The following CCL8 variants were observed in gnomAD, a reference collection of about 807,000 sequenced individuals.
CCL8 encodes C-C motif chemokine ligand 8, also known as C-C motif chemokine 8.
Under a neutral mutation model 6.6 loss-of-function variants are expected in CCL8, and 3 were observed. The observed-to-expected ratio is 0.45, with a 90% CI of 0.21 to 1.17. The LOEUF (loss-of-function observed/expected upper bound fraction) is 1.17. Among genes scored for constraint, CCL8 ranks in the 50% most tolerant of loss-of-function variants. CCL8 has a pLI of 0.24. For synonymous variants in CCL8, 49 were observed against 41.8 expected (o/e 1.17, Z -0.67); for missense variants, 127 against 118.1 (o/e 1.08, Z -0.35).
intron 2 of CCL8, 81 bp downstream of exon 2, chr17:34,320,467 T>C: frequency 1.1e-6 from 1 of 900,190 alleles, no homozygotes; most frequent in South Asian, 1.4e-5. Context: ...TCCATATGAG[T>C]CGGATGCATA....
chr17:34,320,709 C>A (rs1008467740), intron 2 of CCL8, 93 bp from the exon 3 acceptor site: 6 of 792,446 alleles, frequency 7.6e-6, no homozygotes, highest in Non-Finnish European at 1.2e-5. Context: ...CACCTAAGGA[C>A]CAAGGGCTGA....
rs750716076 is a variant in CCL8 at position 34,319,617 on chromosome 17, A to G, written c.76+40A>G. 7 of 1,456,310 alleles carry G rather than the reference A, an allele frequency of 4.8e-6. No homozygotes were observed. In the Admixed American group the frequency reaches 1.2e-4, roughly 25 times the overall value. The allele number at this position is 1,456,310 out of a possible 1,614,324, so 90.2% of individuals were successfully genotyped here. ...TTTTTAAGGGGAGACCAAAAGAGGA[A>G]TTAAGAAGAGCCATTATGTCACAGC... On this transcript the variant is annotated intron_variant, in intron 1 of 2. Coordinates refer to ENST00000394620, the MANE Select transcript of CCL8 (RefSeq NM_005623.3).
rs1909478942 is a variant in CCL8, at chr17:34,320,265, TC to T, written c.77-3del. On this transcript the variant is annotated splice_polypyrimidine_tract_variant and splice_region_variant and intron_variant, in intron 1 of 2. Transcript: ENST00000394620. ...TGTCTCATTCTTTGCAAAATTTCTTTCAGATTCAGTTTCCATTCCAATCACC... is the reference window on the plus strand; with the variant it reads ...TGTCTCATTCTTTGCAAAATTTCTTTAGATTCAGTTTCCATTCCAATCACC... 1 of 1,601,660 alleles carries T rather than the reference TC, an allele frequency of 6.2e-7. No homozygotes were observed. Among genetic ancestry groups the T allele is most frequent in the East Asian group, 2.2e-5 (1 of 44,816 alleles).
intron 2 of CCL8, 123 bp downstream of exon 2, chr17:34,320,509 T>G: frequency 2.9e-6 from 2 of 691,146 alleles, no homozygotes; most frequent in Non-Finnish European, 5.1e-6. Context: ...CTCTACCCCA[T>G]AGAGAAACTC....
rs138262202 is a variant in CCL8 at position 34,321,201 on chromosome 17, T to G, written c.*294T>G. On this transcript the variant is annotated 3_prime_UTR_variant, in exon 3 of 3. Transcript: ENST00000394620. ...AGTTCACGGCAAAATGTCATTGTTC[T>G]CCCTCCTACCTGTCTGTAGTGTTGT... The G allele has an allele frequency of 1.2e-3, 369 of 311,774 alleles. No homozygotes were observed. Among genetic ancestry groups the G allele is most frequent in the African/African-American group, 7.9e-3 (350 of 44,448 alleles). 19.3% of individuals were successfully genotyped at this position (311,774 alleles called of 1,614,324 possible). A position where few individuals can be genotyped will look rare whatever the true frequency, so the allele number is the denominator to read the frequency against.
chr17:34,320,421 G>T, intron 2 of CCL8, 35 bp downstream of exon 2: 2 of 1,318,476 alleles, frequency 1.5e-6, no homozygotes, highest in Non-Finnish European at 2.2e-6. Context: ...CCATTCAAAA[G>T]TTCTGATGGA....
At chr17:34,320,512 A>T in intron 2 of CCL8, 126 bp downstream of exon 2, 1 of 684,484 alleles carries the variant, frequency 1.5e-6, no homozygotes, top group Non-Finnish European at 2.6e-6. Flanking sequence ...TACCCCATAG[A>T]GAAACTCAGT....
intron 2 of CCL8, 147 bp downstream of exon 2, chr17:34,320,533 G>A (rs1171237257): frequency 4.6e-6 from 3 of 650,556 alleles, no homozygotes; most frequent in Non-Finnish European, 5.5e-6. Context: ...CCATGAGAAG[G>A]AGTCCATAAC....
intron 1 of CCL8, 67 bp from the exon 2 acceptor site, chr17:34,320,202 C>A (rs1052271625): frequency 3.1e-6 from 3 of 973,776 alleles, no homozygotes; most frequent in South Asian, 1.3e-5. Flanking sequence ...TCCTTCTCTT[C>A]TTTTCCTTAC....
At chr17:34,320,734 C>A in intron 2 of CCL8, 68 bp from the exon 3 acceptor site, 1 of 999,422 alleles carries the variant, frequency 1.0e-6, no homozygotes, top group Non-Finnish European at 1.5e-6. Flanking sequence ...TTCTAGGGAC[C>A]AATGGCCCAC....
At chr17:34,320,569 T>G (rs1029318602) in intron 2 of CCL8, among the ~76,000 whole-genome samples, 183 bp downstream of exon 2, 1 of 152,218 alleles carries the variant, frequency 6.6e-6, no homozygotes, top group Non-Finnish European at 1.5e-5. Flanking sequence ...TTCTAGGGGC[T>G]TGGTGAAACT....
intron 2 of CCL8, 103 bp downstream of exon 2, chr17:34,320,489 C>T (rs2141929245): frequency 2.6e-6 from 2 of 770,748 alleles, no homozygotes; most frequent in East Asian, 5.0e-5. Flanking sequence ...AACTTCTATC[C>T]AAAGGGCCCC....
rs776943192 is a variant in CCL8 at position 34,319,495 on chromosome 17, C to A, written c.-7C>A. The A allele has an allele frequency of 6.2e-7, 1 of 1,613,506 alleles. No individual in the cohort carries two copies. Among genetic ancestry groups the A allele is most frequent in the African/African-American group, 1.3e-5 (1 of 74,908 alleles). ...TCATGCTGAAGCTCACACCCTTGCC[C>A]TCCAAGATGAAGGTTTCTGCAGCGC... On this transcript the variant is annotated 5_prime_UTR_variant, in exon 1 of 3. Transcript: ENST00000394620.
Position 34,321,083 on chromosome 17 carries a change from GTTTT to G in CCL8, c.*177_*180del. The G allele has an allele frequency of 1.9e-6, 1 of 517,528 alleles. No homozygotes were observed. The highest frequency in any genetic ancestry group is 3.5e-5 in the East Asian group (1 of 28,412). 32.1% of individuals were successfully genotyped at this position (517,528 alleles called of 1,614,324 possible). ...ATTTAATTATATTTAAGTTGTTGAT[GTTTT>G]AACTCTATCTGTCATACATCCTAGT... On this transcript the variant is annotated 3_prime_UTR_variant, in exon 3 of 3. Coordinates refer to ENST00000394620, the MANE Select transcript of CCL8 (RefSeq NM_005623.3).
chr17:34,319,634 T>C (rs972653173), intron 1 of CCL8, 57 bp downstream of exon 1: 2 of 1,312,376 alleles, frequency 1.5e-6, no homozygotes, highest in Admixed American at 1.8e-5. Flanking sequence ...AGAGCCATTA[T>C]GTCACAGCTC....
At chr17:34,320,662 A>T in intron 2 of CCL8, 140 bp from the exon 3 acceptor site, 1 of 615,722 alleles carries the variant, frequency 1.6e-6, no homozygotes, top group Non-Finnish European at 2.9e-6. Flanking sequence ...TCTTCCTCCC[A>T]CTCTTCCCCT....
Position 34,319,488 on chromosome 17 carries a change from C to A in CCL8, c.-14C>A. The A allele has an allele frequency of 1.2e-6, 2 of 1,613,258 alleles. No individual in the cohort carries two copies. The highest frequency in any genetic ancestry group is 8.5e-7 in the Non-Finnish European group (1 of 1,179,330). On this transcript the variant is annotated 5_prime_UTR_variant, in exon 1 of 3. Transcript: ENST00000394620. ...TCACCTCTCATGCTGAAGCTCACAC[C>A]CTTGCCCTCCAAGATGAAGGTTTCT...
rs200096521 is a variant in CCL8 at position 34,321,337 on chromosome 17, T to C, written c.*430T>C. ...CTGCTGTTGTTGAAATTGATGTTAC[T>C]GTATATAACTATGGAATTTTGAAAA... is the stretch of plus-strand genomic sequence containing the variant. On this transcript the variant is annotated 3_prime_UTR_variant, in exon 3 of 3. Transcript: ENST00000394620. 6.5e-6 allele frequency: 1 copy of C among 153,494 alleles called. No individual in the cohort carries two copies. The highest frequency in any genetic ancestry group is 1.4e-5 in the Non-Finnish European group (1 of 69,008). 9.5% of individuals were successfully genotyped at this position (153,494 alleles called of 1,614,324 possible). A position where few individuals can be genotyped will look rare whatever the true frequency, so the allele number is the denominator to read the frequency against.
rs983414756 is a variant in CCL8, at chr17:34,320,826, G to A, written c.219G>A (p.Glu73=). 2 of 1,607,996 alleles carry A rather than the reference G, an allele frequency of 1.2e-6. No individual in the cohort carries two copies. The highest frequency in any genetic ancestry group is 1.7e-6 in the Non-Finnish European group (2 of 1,178,072). ...AVIFKTKRGK[E]VCADPKERWV... is the part of the protein sequence containing the mutation. The stretch of plus-strand genomic sequence containing the variant: ...GCTTCAAGACCAAACGGGGCAAGGA[G>A]GTCTGTGCTGACCCCAAGGAGAGAT... The change falls in exon 3 of 3, where the codon GAG becomes GAA. Residue 73 remains glutamate (E), a synonymous_variant. Coordinates refer to ENST00000394620, the MANE Select transcript of CCL8 (RefSeq NM_005623.3).
Sources: gnomAD v4.1 joint callset for allele counts (sites outside exome capture counted in the v4.1 genomes callset) on GRCh38, gnomAD v4.1.1 for gene constraint, MANE v1.5 for transcripts, NCBI Gene and HGNC (gene_info 2026-07-23, HGNC 2026-07-21) for gene names.